KCND3: variants seen among roughly 807,000 people sequenced by gnomAD.
The protein encoded by KCND3 is potassium voltage-gated channel subfamily D member 3.
A neutral mutation model predicts 51.1 loss-of-function variants in KCND3; 9 were observed. The observed-to-expected ratio is 0.18, with a 90% CI of 0.11 to 0.31. The LOEUF (loss-of-function observed/expected upper bound fraction) is 0.31. Ranked by LOEUF, KCND3 falls within the 10% of genes least tolerant of loss-of-function variation. The probability of loss-of-function intolerance (pLI) is 1.00; values close to 1 mark genes in which losing one functional copy is unlikely to be tolerated. For missense variants in KCND3, 526 were observed against 903.8 expected (o/e 0.58, Z 5.36); for synonymous variants, 349 against 368.0 (o/e 0.95, Z 0.59).
intron 2 of KCND3, among the ~76,000 whole-genome samples, chr1:111,971,922 C>T (rs1253482567): frequency 6.6e-6 from 1 of 152,224 alleles, no homozygotes; most frequent in Non-Finnish European, 1.5e-5. Flanking sequence ...CTGTCTTAGT[C>T]AAGCCTTCTT....
In KCND3 at chr1:111,886,817, G is replaced by A. The variant is rs2101751198; in HGVS notation, c.1106+94804C>T. ...TGAGGTGACATGGCCAGTAGACGGT[G>A]GATTTGTGTGACCCCAACACATATA... On this transcript the variant is annotated intron_variant, in intron 2 of 7. Transcript: ENST00000302127. Among the ~76,000 whole-genome samples, 3 of 152,314 alleles carry A rather than the reference G, an allele frequency of 2.0e-5. No individual in the cohort carries two copies. The South Asian group carries it at 6.2e-4, about 32-fold the overall frequency.
At chr1:111,933,116 T>C (rs1672057283) in intron 2 of KCND3, among the ~76,000 whole-genome samples, 1 of 152,138 alleles carries the variant, frequency 6.6e-6, no homozygotes, top group Non-Finnish European at 1.5e-5. Context: ...ATCTGATGGT[T>C]TTGTAAGCAT....
At chr1:111,884,548 A>G (rs1044881912) in intron 2 of KCND3, among the ~76,000 whole-genome samples, 2 of 152,190 alleles carry the variant, frequency 1.3e-5, no homozygotes, top group African/African-American at 4.8e-5. Flanking sequence ...GAGAGAAAGC[A>G]CTAGAGAGGA....
rs189422623 is a variant in KCND3, at chr1:111,946,233, G to C, written c.1106+35388C>G. On this transcript the variant is annotated intron_variant, in intron 2 of 7. Transcript: ENST00000302127. ...AGCAGGAGGTGACTCATAATGTCCTGTGTGCATAGGGAGGGTTGGGGGAAA... is the reference window on the plus strand; with the variant it reads ...AGCAGGAGGTGACTCATAATGTCCTCTGTGCATAGGGAGGGTTGGGGGAAA... Among the ~76,000 whole-genome samples, 11 of 152,328 alleles carry C rather than the reference G, an allele frequency of 7.2e-5. No individual in the cohort carries two copies. The East Asian group carries it at 1.9e-3, about 27-fold the overall frequency.
chr1:111,836,213 A>T (rs573790363), intron 2 of KCND3, among the ~76,000 whole-genome samples: 1 of 152,194 alleles, frequency 6.6e-6, no homozygotes, highest in Non-Finnish European at 1.5e-5. Flanking sequence ...GAACCAAGTC[A>T]TGGGTACTGT....
chr1:111,978,868 G>A (rs1014458022), intron 2 of KCND3, among the ~76,000 whole-genome samples: 1 of 152,178 alleles, frequency 6.6e-6, no homozygotes, highest in Non-Finnish European at 1.5e-5. Flanking sequence ...TTTGCCAAGT[G>A]CTTGCTATGT....
At chr1:111,802,801 T>G (rs1466741161) in intron 2 of KCND3, among the ~76,000 whole-genome samples, 1 of 152,206 alleles carries the variant, frequency 6.6e-6, no homozygotes, top group African/African-American at 2.4e-5. Flanking sequence ...AATTGAATGT[T>G]TCAACTGAGC....
chr1:111,970,342 G>A (rs1010523141), intron 2 of KCND3, among the ~76,000 whole-genome samples: 3 of 152,208 alleles, frequency 2.0e-5, no homozygotes, highest in African/African-American at 7.2e-5. Context: ...GTCTACTTCA[G>A]ATAATTTGCC....
intron 2 of KCND3, among the ~76,000 whole-genome samples, chr1:111,890,742 A>AAT (rs1005509702): frequency 6.6e-6 from 1 of 152,164 alleles, no homozygotes; most frequent in African/African-American, 2.4e-5. Flanking sequence ...GAGACTGATA[A>AAT]ATAGTGAACA....
intron 2 of KCND3, among the ~76,000 whole-genome samples, chr1:111,840,243 A>G (rs923928843): frequency 4.6e-5 from 7 of 152,190 alleles, no homozygotes; most frequent in African/African-American, 1.7e-4. Context: ...CGGTTCCAAC[A>G]TATGAACTTT....
intron 2 of KCND3, among the ~76,000 whole-genome samples, chr1:111,931,054 T>G (rs1266781535): frequency 2.6e-5 from 4 of 152,122 alleles, no homozygotes; most frequent in Admixed American, 2.6e-4. Context: ...GCTGAACAAG[T>G]TAGGTTACAA....
intron 2 of KCND3, among the ~76,000 whole-genome samples, chr1:111,933,293 A>G (rs566549307): frequency 4.6e-5 from 7 of 152,314 alleles, no homozygotes; most frequent in African/African-American, 1.7e-4. Flanking sequence ...TCTTCATGGC[A>G]GCCTGAGGTT....
intron 2 of KCND3, among the ~76,000 whole-genome samples, chr1:111,958,012 C>T (rs914334907): frequency 6.6e-6 from 1 of 152,266 alleles, no homozygotes; most frequent in East Asian, 1.9e-4. Flanking sequence ...TTTCTATTCT[C>T]CACTGTCCTG....
chr1:111,804,418 C>T (rs911327666), intron 2 of KCND3, among the ~76,000 whole-genome samples: 2 of 152,236 alleles, frequency 1.3e-5, no homozygotes, highest in Non-Finnish European at 2.9e-5. Context: ...GCTCTGAACC[C>T]TCCCTTTACA....
intron 2 of KCND3, among the ~76,000 whole-genome samples, chr1:111,897,331 T>G (rs1412435751): frequency 6.6e-6 from 1 of 152,256 alleles, no homozygotes; most frequent in Non-Finnish European, 1.5e-5. Flanking sequence ...CTCTTTGCAA[T>G]CTGCTCACCC....
At chr1:111,858,814 T>C (rs1048455086) in intron 2 of KCND3, among the ~76,000 whole-genome samples, 5 of 152,192 alleles carry the variant, frequency 3.3e-5, no homozygotes, top group African/African-American at 9.7e-5. Flanking sequence ...TCTTTTCCCT[T>C]GGCCAGTTCT....
At chr1:111,846,628 G>A (rs1255645613) in intron 2 of KCND3, among the ~76,000 whole-genome samples, 1 of 152,196 alleles carries the variant, frequency 6.6e-6, no homozygotes, top group Non-Finnish European at 1.5e-5. Flanking sequence ...AGGTTCTCAC[G>A]AGGATTATAC....
chr1:111,891,974 GTGTGTC>G (rs1035755343), intron 2 of KCND3, among the ~76,000 whole-genome samples: 1 of 105,012 alleles, frequency 9.5e-6, no homozygotes, highest in African/African-American at 3.2e-5. Context: ...GTGTCTGTGT[GTGTGTC>G]TGTGTGTGTG....
intron 2 of KCND3, among the ~76,000 whole-genome samples, chr1:111,798,159 G>A (rs781648936): frequency 2.6e-5 from 4 of 152,306 alleles, no homozygotes; most frequent in Non-Finnish European, 2.9e-5. Flanking sequence ...CATCTCTAGC[G>A]AAGCTCCCAC....
Sources: gnomAD v4.1 joint callset for allele counts (sites outside exome capture counted in the v4.1 genomes callset) on GRCh38, gnomAD v4.1.1 for gene constraint, MANE v1.5 for transcripts, NCBI Gene and HGNC (gene_info 2026-07-23, HGNC 2026-07-21) for gene names.